Variants in PIP4K2A observed in about 807,000 individuals in gnomAD.
The protein encoded by PIP4K2A is phosphatidylinositol 5-phosphate 4-kinase type-2 alpha.
PIP4K2A carries 14 observed loss-of-function variants against 42.9 expected under a neutral mutation model. The observed-to-expected ratio is 0.33, with a 90% confidence interval of 0.22 to 0.51. The LOEUF (loss-of-function observed/expected upper bound fraction) is 0.51, where lower values mean the gene tolerates loss of function less well. PIP4K2A is among the 20% of genes least tolerant of loss of function. The pLI is 0.97. For missense variants in PIP4K2A, 434 were observed against 519.8 expected (o/e 0.83, Z 1.61); for synonymous variants, 192 against 192.2 (o/e 1.00, Z 0.01).
At chr10:22,566,264 T>G (rs1836845587) in intron 6 of PIP4K2A, among the ~76,000 whole-genome samples, 1 of 152,184 alleles carries the variant, frequency 6.6e-6, no homozygotes. Context: ...TTCTCTCTTT[T>G]GTACTCTGTC....
intron 1 of PIP4K2A, among the ~76,000 whole-genome samples, chr10:22,613,852 G>A (rs147349197): frequency 4.6e-5 from 7 of 152,276 alleles, no homozygotes; most frequent in African/African-American, 1.7e-4. Context: ...GGCTGAGTGT[G>A]ACATAAAGGG....
chr10:22,661,372 T>A (rs1197342094), intron 1 of PIP4K2A, among the ~76,000 whole-genome samples: 3 of 148,702 alleles, frequency 2.0e-5, no homozygotes, highest in African/African-American at 7.5e-5. Context: ...TTTTTTTTTT[T>A]AAGAGATGGG....
At chr10:22,543,648 G>A (rs151288298) in intron 7 of PIP4K2A, among the ~76,000 whole-genome samples, 114 of 152,274 alleles carry the variant, frequency 7.5e-4, no homozygotes, top group African/African-American at 1.8e-3. Flanking sequence ...CAGAGACTGC[G>A]CATCCTCCCC....
intron 3 of PIP4K2A, 30 bp from the exon 4 acceptor site, chr10:22,591,811 G>T: frequency 6.3e-7 from 1 of 1,575,520 alleles, no homozygotes; most frequent in Non-Finnish European, 8.6e-7. Flanking sequence ...GGGGAAGGAA[G>T]GCGGGGGAAG....
intron 1 of PIP4K2A, among the ~76,000 whole-genome samples, chr10:22,677,780 G>C (rs1454706801): frequency 6.6e-6 from 1 of 152,192 alleles, no homozygotes; most frequent in Non-Finnish European, 1.5e-5. Flanking sequence ...ATCAGAAAAT[G>C]TTTCTAAGAT....
At chr10:22,634,556 A>G (rs926283498) in intron 1 of PIP4K2A, among the ~76,000 whole-genome samples, 1 of 152,196 alleles carries the variant, frequency 6.6e-6, no homozygotes, top group Admixed American at 6.5e-5. Context: ...AGGATCTTTT[A>G]TAAGTCCAAA....
intron 1 of PIP4K2A, among the ~76,000 whole-genome samples, chr10:22,640,108 T>C (rs1426788725): frequency 1.3e-5 from 2 of 150,946 alleles, no homozygotes; most frequent in Non-Finnish European, 2.9e-5. Context: ...TGATTGGAAT[T>C]GAAAGCTATG....
chr10:22,714,113 G>T, intron 1 of PIP4K2A, 70 bp downstream of exon 1: 2 of 1,442,630 alleles, frequency 1.4e-6, no homozygotes, highest in Non-Finnish European at 1.9e-6. Context: ...AGCTGCAGCC[G>T]GAGGAGGAGG....
intron 1 of PIP4K2A, among the ~76,000 whole-genome samples, chr10:22,697,128 T>A (rs1839987573): frequency 6.8e-6 from 1 of 148,132 alleles, no homozygotes; most frequent in South Asian, 2.1e-4. Context: ...GGAGTTCATT[T>A]CCTTCAGCTT....
Position 22,667,830 on chromosome 10 carries a change from T to C in PIP4K2A, c.144+46353A>G, listed in dbSNP as rs181552287. On this transcript the variant is annotated intron_variant, in intron 1 of 9. Coordinates refer to ENST00000376573, the MANE Select transcript of PIP4K2A (RefSeq NM_005028.5). The stretch of plus-strand genomic sequence containing the variant: ...ATACTTTCATGATTGAAAGGACTCT[T>C]AGCCACAGAAAATCCTGAAGTTTTC... Among the ~76,000 whole-genome samples, 862 of 151,162 alleles carry C rather than the reference T, an allele frequency of 5.7e-3. 5 individuals are homozygous for C. Among genetic ancestry groups the C allele is most frequent in the African/African-American group, 0.02 (813 of 41,174 alleles).
chr10:22,570,048 T>C (rs988198261), intron 5 of PIP4K2A, among the ~76,000 whole-genome samples: 3 of 152,040 alleles, frequency 2.0e-5, no homozygotes, highest in Non-Finnish European at 4.4e-5. Flanking sequence ...GATGCCTACT[T>C]GTCCGAGGCG....
At chr10:22,585,473 G>T (rs565016749) in intron 4 of PIP4K2A, among the ~76,000 whole-genome samples, 5 of 152,286 alleles carry the variant, frequency 3.3e-5, no homozygotes, top group African/African-American at 1.2e-4. Context: ...TTAAAATGCT[G>T]CATTTCAAAA....
intron 6 of PIP4K2A, among the ~76,000 whole-genome samples, chr10:22,562,375 C>T (rs1836732842): frequency 6.6e-6 from 1 of 152,078 alleles, no homozygotes; most frequent in Admixed American, 6.5e-5. Context: ...GGTGAAACTC[C>T]GTCTCTACTA....
chr10:22,655,894 T>C (rs561334937), intron 1 of PIP4K2A, among the ~76,000 whole-genome samples: 9 of 152,216 alleles, frequency 5.9e-5, no homozygotes, highest in South Asian at 2.1e-4. Flanking sequence ...CTGGGTGTGT[T>C]GTGTAGTGTT....
chr10:22,598,100 G>A (rs1837673268), intron 3 of PIP4K2A, among the ~76,000 whole-genome samples: 1 of 152,246 alleles, frequency 6.6e-6, no homozygotes, highest in African/African-American at 2.4e-5. Context: ...GCTAATGCCT[G>A]TAATCCTAGC....
intron 3 of PIP4K2A, among the ~76,000 whole-genome samples, chr10:22,593,566 C>T (rs1837560034): frequency 6.6e-6 from 1 of 152,108 alleles, no homozygotes; most frequent in African/African-American, 2.4e-5. Flanking sequence ...CCACTTAGAA[C>T]AAAAAGGAAG....
chr10:22,604,116 G>T (rs1041675870), intron 3 of PIP4K2A, among the ~76,000 whole-genome samples: 2 of 152,016 alleles, frequency 1.3e-5, no homozygotes, highest in Admixed American at 1.3e-4. Flanking sequence ...CTTTGAATTT[G>T]TCTTTAACAA....
rs532225160 is a variant in PIP4K2A, at chr10:22,622,313, T to C, written c.145-12596A>G. Among the ~76,000 whole-genome samples, 6 of 152,206 alleles carry C rather than the reference T, an allele frequency of 3.9e-5. No individual in the cohort carries two copies. In the South Asian group the frequency reaches 1.2e-3, roughly 32 times the overall value. On this transcript the variant is annotated intron_variant, in intron 1 of 9. Coordinates refer to ENST00000376573, the MANE Select transcript of PIP4K2A (RefSeq NM_005028.5). ...TTCAGGTGGCAGAAAGACGGTGCGC[T>C]GCCTGTTGCTGTCCATGCCATCCCA... is the stretch of plus-strand genomic sequence containing the variant.
At chr10:22,601,154 A>AAAAAC (rs1564437906) in intron 3 of PIP4K2A, among the ~76,000 whole-genome samples, 1 of 135,024 alleles carries the variant, frequency 7.4e-6, no homozygotes, top group Admixed American at 7.4e-5. Flanking sequence ...AAAAAAAAAA[A>AAAAAC]AAAAAAAAAC....
Sources: allele counts gnomAD v4.1 joint callset (sites outside exome capture counted in the v4.1 genomes callset), GRCh38; gene constraint gnomAD v4.1.1; transcripts MANE v1.5; gene names NCBI Gene and HGNC (gene_info 2026-07-23, HGNC 2026-07-21).